The following TTLL3 variants were observed in gnomAD, a reference collection of about 807,000 sequenced individuals.
The protein encoded by TTLL3 is tubulin monoglycylase TTLL3.
In TTLL3, 63 loss-of-function variants were observed where a neutral mutation model predicts 75.2. That is an observed-to-expected ratio of 0.84 (90% CI 0.68 to 1.03). The LOEUF is 1.03. TTLL3 is among the 50% of genes least tolerant of loss of function. The pLI is 0.00. For synonymous variants in TTLL3, 393 were observed against 418.5 expected, an observed-to-expected ratio of 0.94 and a Z score of 0.74; for missense variants, 997 against 1,069.9, an observed-to-expected ratio of 0.93 and a Z score of 0.95.
intron 2 of TTLL3, 92 bp from the exon 3 acceptor site, chr3:9,812,851 A>G: frequency 7.5e-7 from 1 of 1,340,880 alleles, no homozygotes; most frequent in Non-Finnish European, 9.7e-7. Context: ...TCCTGATGGC[A>G]GAGTCCATAA....
At chr3:9,814,228 C>G (rs866734482) in intron 4 of TTLL3, among the ~76,000 whole-genome samples, 2 of 152,210 alleles carry the variant, frequency 1.3e-5, no homozygotes, top group Middle Eastern at 3.4e-3. Context: ...CCCAGCTACT[C>G]GGGAAGCTGA....
rs1297075895 is a variant in TTLL3, at chr3:9,835,852, A to C, written c.*363A>C. 1 of 215,018 alleles carries C rather than the reference A, an allele frequency of 4.7e-6. No homozygotes were observed. The highest frequency in any genetic ancestry group is 2.3e-5 in the African/African-American group (1 of 43,594). The allele number at this position is 215,018 out of a possible 1,614,324, so 13.3% of individuals were successfully genotyped here. A position where few individuals can be genotyped will look rare whatever the true frequency, so the allele number is the denominator to read the frequency against. On this transcript the variant is annotated 3_prime_UTR_variant, in exon 14 of 14. Coordinates refer to ENST00000685419, the MANE Select transcript of TTLL3 (RefSeq NM_001387446.1). ...GCCCTTCTGCAGAGGGCATGGGTCT[A>C]TCCCTTCTTCAGCAAGGGGCCAAGG...
intron 8 of TTLL3, 114 bp downstream of exon 8, chr3:9,820,855 G>C (rs2080344682): frequency 1.4e-6 from 2 of 1,468,922 alleles, no homozygotes; most frequent in African/African-American, 2.8e-5. Context: ...TTACCCCGCT[G>C]TTCTGCTCAG....
chr3:9,833,030 A>G, intron 11 of TTLL3, 74 bp from the exon 12 acceptor site: 4 of 1,572,712 alleles, frequency 2.5e-6, no homozygotes, highest in Middle Eastern at 1.7e-4. Context: ...ACCCATCTCT[A>G]CTCTGGGTCC....
intron 7 of TTLL3, chr3:9,819,669 G>T (rs1247552717): frequency 2.0e-6 from 2 of 985,576 alleles, no homozygotes; most frequent in Non-Finnish European, 2.4e-6. Context: ...TCTGGATTTA[G>T]CTCGTGTCTC....
intron 4 of TTLL3, among the ~76,000 whole-genome samples, chr3:9,815,083 C>A (rs1276313843): frequency 1.3e-5 from 2 of 151,152 alleles, no homozygotes; most frequent in African/African-American, 4.9e-5. Context: ...ACTAAAAATA[C>A]AAAAAAATTA....
chr3:9,828,000 G>A (rs923806199), intron 10 of TTLL3: 1 of 152,026 alleles, frequency 6.6e-6, no homozygotes, highest in Admixed American at 6.6e-5. Context: ...AAATTAGCCG[G>A]GCGTGTTGGC....
chr3:9,818,842 G>T lies in TTLL3; in HGVS notation c.580G>T (p.Ala194Ser). 1 of 1,614,116 alleles carries T rather than the reference G, an allele frequency of 6.2e-7. No individual in the cohort carries two copies. The highest frequency in any genetic ancestry group is 8.5e-7 in the Non-Finnish European group (1 of 1,179,994). ...AFIEDFWLTA[A>S]RNVLKLVVKS... ...AGCAGAGGACTTCTGGCTGACTGCT[G>T]CCCGCAACGTTCTCAAGCTGGTGGT... Residue 194 changes from alanine to serine, a missense_variant, in exon 7 of 14, where the codon GCC (alanine) becomes TCC (serine). By Grantham distance (99) the Ala-to-Ser change is moderately conservative. Transcript: ENST00000685419.
At chr3:9,818,587 C>G in intron 6 of TTLL3, 2 of 1,193,688 alleles carry the variant, frequency 1.7e-6, no homozygotes, top group Non-Finnish European at 2.2e-6. Flanking sequence ...CCAGGATGGT[C>G]TCGATCTCCT....
chr3:9,810,023 C>A, upstream of TTLL3: 1 of 1,313,806 alleles, frequency 7.6e-7, no homozygotes. This position sits in a 1 kb window ranked among gnomAD's most constrained non-coding sequence, Gnocchi z 4.4. Context: ...GGCCCCGACG[C>A]GCCACTGCTC....
At chr3:9,825,588 T>C in intron 8 of TTLL3, 1 of 760,904 alleles carries the variant, frequency 1.3e-6, no homozygotes, top group East Asian at 2.8e-5. Flanking sequence ...TTTATCAGCC[T>C]TTCCCATTTG....
Position 9,825,901 on chromosome 3 carries a change from A to T in TTLL3, c.956A>T (p.Asp319Val), listed in dbSNP as rs781404408. ...GTACCCCAGATAGACATGGAAGGGG[A>T]TCGCAACATCTGGATCGTGAAGCCA... ...AVVPQIDMEG[D>V]RNIWIVKPGA... Residue 319 changes from aspartate (D) to valine (V), a missense_variant, in exon 9 of 14, where the codon GAT (aspartate) becomes GTT (valine). By Grantham distance (152) the Asp-to-Val change is radical. Coordinates refer to ENST00000685419, the MANE Select transcript of TTLL3 (RefSeq NM_001387446.1). 1.2e-6 allele frequency: 2 copies of T among 1,614,192 alleles called. No individual in the cohort carries two copies. Among genetic ancestry groups the T allele is most frequent in the South Asian group, 2.2e-5 (2 of 91,084 alleles).
At chr3:9,817,869 C>G in intron 6 of TTLL3, 110 bp downstream of exon 6, 1 of 1,381,794 alleles carries the variant, frequency 7.2e-7, no homozygotes, top group Non-Finnish European at 9.9e-7. Flanking sequence ...CATCTGCCTG[C>G]CCCAGCAGAT....
intron 8 of TTLL3, among the ~76,000 whole-genome samples, chr3:9,822,715 T>TTATA: frequency 2.3e-5 from 3 of 132,310 alleles, no homozygotes; most frequent in Non-Finnish European, 3.2e-5. Context: ...ACATATATCG[T>TTATA]TGTATGTATA....
At chr3:9,816,523 C>CTTTTTTTTTTTTTCTTT (rs71052206) in intron 5 of TTLL3, among the ~76,000 whole-genome samples, 1 of 103,992 alleles carries the variant, frequency 9.6e-6, no homozygotes. Flanking sequence ...ACCTGGGTTT[C>CTTTTTTTTTTTTTCTTT]TTTTTTTTTT....
At chr3:9,822,453 C>T (rs1359158241) in intron 8 of TTLL3, among the ~76,000 whole-genome samples, 2 of 151,968 alleles carry the variant, frequency 1.3e-5, no homozygotes, top group Non-Finnish European at 2.9e-5. Flanking sequence ...TAAAACATTG[C>T]ATCATATAAC....
chr3:9,829,462 G>A, intron 11 of TTLL3, 67 bp downstream of exon 11: 1 of 1,520,338 alleles, frequency 6.6e-7, no homozygotes, highest in East Asian at 2.3e-5. Context: ...CCCTGCAGTG[G>A]AGCATAGGAC....
chr3:9,824,826 C>T (rs776503959), intron 8 of TTLL3, among the ~76,000 whole-genome samples: 8 of 150,616 alleles, frequency 5.3e-5, no homozygotes, highest in Non-Finnish European at 1.2e-4. Context: ...CTGCAACCTC[C>T]GCCTCCCTGG....
chr3:9,819,564 T>G (rs1454081234), intron 7 of TTLL3: 2 of 986,554 alleles, frequency 2.0e-6, no homozygotes, highest in Non-Finnish European at 1.2e-6. Flanking sequence ...GAGAACAGCT[T>G]AGGCCTGAAC....
Sources: gnomAD v4.1 joint callset for allele counts (sites outside exome capture counted in the v4.1 genomes callset) on GRCh38, gnomAD v4.1.1 for gene constraint, Gnocchi (gnomAD v3.1) non-coding constraint, MANE v1.5 for transcripts, NCBI Gene and HGNC (gene_info 2026-07-23, HGNC 2026-07-21) for gene names.